Variants in TENM4 observed in about 807,000 individuals in gnomAD.
The protein encoded by TENM4 is teneurin-4.
A neutral mutation model predicts 243.3 loss-of-function variants in TENM4; 82 were observed. The observed-to-expected ratio is 0.34, with a 90% CI of 0.28 to 0.40. The LOEUF (loss-of-function observed/expected upper bound fraction) is 0.40, where lower values mean the gene tolerates loss of function less well. Ranked by LOEUF, TENM4 falls within the 10% of genes least tolerant of loss-of-function variation. The probability of loss-of-function intolerance (pLI) is 1.00; values close to 1 mark genes in which losing one functional copy is unlikely to be tolerated. For synonymous variants in TENM4, 1,412 were observed against 1,456.3 expected (o/e 0.97, Z 0.69); for missense variants, 3,138 against 3,673.3 (o/e 0.85, Z 3.77).
chr11:78,747,632 C>T (rs973415245), intron 19 of TENM4, among the ~76,000 whole-genome samples: 5 of 152,186 alleles, frequency 3.3e-5, no homozygotes, highest in African/African-American at 1.2e-4. Flanking sequence ...GGCCGCATCC[C>T]TCCCTGTCAA....
intron 32 of TENM4, among the ~76,000 whole-genome samples, chr11:78,667,597 A>C (rs772738912): frequency 4.1e-4 from 63 of 152,086 alleles, no homozygotes; most frequent in Admixed American, 1.2e-3. Context: ...CTGTGCTTCA[A>C]TGGGCATCTG....
chr11:78,695,191 G>C (rs557632827), intron 28 of TENM4, among the ~76,000 whole-genome samples: 1 of 152,090 alleles, frequency 6.6e-6, no homozygotes, highest in Non-Finnish European at 1.5e-5. Context: ...TAGGACTGCA[G>C]GTGTGTGCCA....
chr11:79,303,716 C>A (rs749700018), intron 1 of TENM4, among the ~76,000 whole-genome samples: 1 of 152,154 alleles, frequency 6.6e-6, no homozygotes, highest in Non-Finnish European at 1.5e-5. Flanking sequence ...ATGCTCTAAA[C>A]CATTAGACTA....
intron 3 of TENM4, among the ~76,000 whole-genome samples, chr11:79,163,845 T>TA (rs1473142113): frequency 6.8e-6 from 1 of 146,096 alleles, no homozygotes; most frequent in African/African-American, 2.5e-5. Context: ...ATATATTATA[T>TA]ATACATATAT....
intron 2 of TENM4, among the ~76,000 whole-genome samples, chr11:79,227,569 AG>A (rs1325849423): frequency 6.6e-6 from 1 of 152,182 alleles, no homozygotes; most frequent in Admixed American, 6.5e-5. Flanking sequence ...GAAGCCCAAG[AG>A]GGAAGAGTGA....
intron 29 of TENM4, among the ~76,000 whole-genome samples, chr11:78,676,975 G>A (rs1469633337): frequency 6.6e-6 from 1 of 152,110 alleles, no homozygotes; most frequent in Non-Finnish European, 1.5e-5. Context: ...CAAAGGCTGA[G>A]GGGCAGGAGG....
intron 25 of TENM4, among the ~76,000 whole-genome samples, chr11:78,717,340 G>A (rs1194357863): frequency 1.3e-5 from 2 of 152,146 alleles, no homozygotes; most frequent in African/African-American, 4.8e-5. Context: ...CTCTAAGTAA[G>A]GTCTGCCTCA....
At chr11:79,387,001 A>C (rs1298726650) in intron 1 of TENM4, among the ~76,000 whole-genome samples, 1 of 152,170 alleles carries the variant, frequency 6.6e-6, no homozygotes, top group Non-Finnish European at 1.5e-5. Flanking sequence ...AAGTAACCGA[A>C]TGTCCAGCAA....
intron 1 of TENM4, among the ~76,000 whole-genome samples, chr11:79,382,210 C>T (rs1404342008): frequency 1.3e-5 from 2 of 152,166 alleles, no homozygotes; most frequent in African/African-American, 4.8e-5. Context: ...CAGCCTTCAG[C>T]CAGCCACACC....
chr11:79,256,118 T>C (rs182102369), intron 2 of TENM4, among the ~76,000 whole-genome samples: 3 of 152,206 alleles, frequency 2.0e-5, no homozygotes, highest in African/African-American at 7.2e-5. Context: ...TGCTAGGCTA[T>C]AGTTGTTAGT....
At chr11:78,776,426 G>A (rs1856741543) in intron 17 of TENM4, among the ~76,000 whole-genome samples, 1 of 152,144 alleles carries the variant, frequency 6.6e-6, no homozygotes, top group Non-Finnish European at 1.5e-5. Flanking sequence ...CTTGAGAGCA[G>A]GGACCATATC....
intron 2 of TENM4, among the ~76,000 whole-genome samples, chr11:79,226,595 G>A (rs1190706784): frequency 6.6e-6 from 1 of 152,178 alleles, no homozygotes; most frequent in African/African-American, 2.4e-5. Context: ...AGCCACCATA[G>A]TATGAATGAA....
chr11:78,980,088 T>A (rs1857757846), intron 6 of TENM4, among the ~76,000 whole-genome samples: 1 of 152,248 alleles, frequency 6.6e-6, no homozygotes. Context: ...TCTATGATTT[T>A]CTGAAAGAAA....
intron 2 of TENM4, among the ~76,000 whole-genome samples, chr11:79,235,645 T>C (rs1864451027): frequency 6.6e-6 from 1 of 152,096 alleles, no homozygotes; most frequent in African/African-American, 2.4e-5. Context: ...AAACAGGCCT[T>C]AGTGTCAGCC....
intron 3 of TENM4, among the ~76,000 whole-genome samples, chr11:79,180,423 A>G (rs1863258758): frequency 6.6e-6 from 1 of 151,716 alleles, no homozygotes; most frequent in Non-Finnish European, 1.5e-5. Flanking sequence ...AGTGTTCAAC[A>G]GCCAAGTAGT....
At chr11:79,210,702 G>A (rs564749512) in intron 3 of TENM4, among the ~76,000 whole-genome samples, 1 of 152,176 alleles carries the variant, frequency 6.6e-6, no homozygotes, top group Non-Finnish European at 1.5e-5. Flanking sequence ...GCCAACTGCT[G>A]CGATGATGAC....
intron 1 of TENM4, among the ~76,000 whole-genome samples, chr11:79,369,713 C>T (rs560777021): frequency 6.6e-6 from 1 of 152,290 alleles, no homozygotes; most frequent in East Asian, 1.9e-4. Context: ...TCCCTCTCTA[C>T]CAGCTTAACT....
At chr11:79,052,373 G>T (rs1859818772) in intron 6 of TENM4, among the ~76,000 whole-genome samples, 1 of 152,192 alleles carries the variant, frequency 6.6e-6, no homozygotes, top group South Asian at 2.1e-4. Flanking sequence ...CTGATGATCA[G>T]TGATGGTGAG....
rs146786468 is a variant in TENM4, at chr11:78,876,504, G to T, written c.1084+13281C>A. 1.8e-4 allele frequency among the ~76,000 whole-genome samples: 28 copies of T among 152,296 alleles called. 1 individual carries two copies. The East Asian group carries it at 5.4e-3, about 29-fold the overall frequency. Reference sequence around the variant, plus strand: ...GTTCGGTCTTCCAGAAAGCCATTCCGATCTTCTCTTTCAATATCTTACTTG... The same window carrying T: ...GTTCGGTCTTCCAGAAAGCCATTCCTATCTTCTCTTTCAATATCTTACTTG... On this transcript the variant is annotated intron_variant, in intron 9 of 33. Coordinates refer to ENST00000278550, the MANE Select transcript of TENM4 (RefSeq NM_001098816.3).
Sources: gnomAD v4.1 joint callset for allele counts (sites outside exome capture counted in the v4.1 genomes callset) on GRCh38, gnomAD v4.1.1 for gene constraint, MANE v1.5 for transcripts, NCBI Gene and HGNC (gene_info 2026-07-23, HGNC 2026-07-21) for gene names.